CACNA1D: variants seen among roughly 807,000 people sequenced by gnomAD.
CACNA1D encodes the protein voltage-dependent L-type calcium channel subunit alpha-1D.
A neutral mutation model predicts 257.1 loss-of-function variants in CACNA1D; 55 were observed. That is an observed-to-expected ratio of 0.21 (90% CI 0.17 to 0.27). The LOEUF is 0.27. CACNA1D is among the 10% of genes least tolerant of loss of function. The pLI is 1.00. For synonymous variants in CACNA1D, 980 were observed against 1,014.9 expected, an observed-to-expected ratio of 0.97 and a Z score of 0.65; for missense variants, 1,876 against 2,784.0, an observed-to-expected ratio of 0.67 and a Z score of 7.34.
At chr3:53,744,143 C>A (rs1337694032) in intron 22 of CACNA1D, among the ~76,000 whole-genome samples, 2 of 152,128 alleles carry the variant, frequency 1.3e-5, no homozygotes, top group African/African-American at 2.4e-5. Context: ...CTGGAGCCCC[C>A]CTCCCTATTG....
chr3:53,632,917 A>C (rs1307631808), intron 3 of CACNA1D, among the ~76,000 whole-genome samples: 1 of 152,250 alleles, frequency 6.6e-6, no homozygotes, highest in Non-Finnish European at 1.5e-5. Flanking sequence ...TACGATAAAA[A>C]TGAAACAGTT....
At position 53,740,507 on chromosome 3, in the gene CACNA1D, GGGCT is replaced by G. The variant is rs2095105923; in HGVS notation, c.2811+170_2811+173del. The G allele has an allele frequency of 1.2e-5, 8 of 662,668 alleles. No individual in the cohort carries two copies. In the Admixed American group the frequency reaches 1.7e-4, roughly 14 times the overall value. The allele number at this position is 662,668 out of a possible 1,614,324, so 41.0% of individuals were successfully genotyped here. The stretch of plus-strand genomic sequence containing the variant: ...ACAGGTTACCCGGCAGTGTGTTTAA[GGGCT>G]GCTCCTGCGTGTGACACACAGGAAA... On this transcript the variant is annotated intron_variant, in intron 21 of 47. Transcript: ENST00000350061.
Position 53,808,740 on chromosome 3 carries a change from G to A in CACNA1D, c.5841G>A (p.Thr1947=), listed in dbSNP as rs146425374. Residue 1947 remains threonine (T), a synonymous_variant, in exon 46 of 48, where the codon ACG becomes ACA. Coordinates refer to ENST00000350061, the MANE Select transcript of CACNA1D (RefSeq NM_001128840.3). The part of the protein sequence containing the change: ...VPSSPIFPHR[T]ALPLHLMQQQ... ...CGTCTCCCATCTTCCCCCATCGCAC[G>A]GCCCTGCCTCTGCATCTAATGCAGC... The A allele has an allele frequency of 1.2e-5, 20 of 1,608,128 alleles. No individual in the cohort carries two copies. The highest frequency in any genetic ancestry group is 1.2e-4 in the African/African-American group (9 of 74,898).
intron 8 of CACNA1D, among the ~76,000 whole-genome samples, chr3:53,692,445 C>G (rs1416187948): frequency 6.6e-6 from 1 of 152,092 alleles, no homozygotes; most frequent in Non-Finnish European, 1.5e-5. Context: ...ACTGAGTGAA[C>G]TTTAGGATGT....
intron 39 of CACNA1D, among the ~76,000 whole-genome samples, chr3:53,783,717 C>A (rs2095438059): frequency 6.6e-6 from 1 of 152,224 alleles, no homozygotes; most frequent in Non-Finnish European, 1.5e-5. Flanking sequence ...CCGGACAGGG[C>A]TTGGTTCTCC....
At chr3:53,561,311 T>C (rs2092734267) in intron 3 of CACNA1D, among the ~76,000 whole-genome samples, 2 of 152,242 alleles carry the variant, frequency 1.3e-5, no homozygotes, top group Admixed American at 6.5e-5. Context: ...TTAAGACTGC[T>C]GCGCTCTGGT....
chr3:53,717,907 A>G (rs941747314), intron 9 of CACNA1D, among the ~76,000 whole-genome samples: 4 of 152,180 alleles, frequency 2.6e-5, no homozygotes, highest in Non-Finnish European at 4.4e-5. Flanking sequence ...GATGTTCTAT[A>G]TGCACCTTTT....
intron 16 of CACNA1D, 78 bp downstream of exon 16, chr3:53,730,634 A>T: frequency 9.2e-7 from 1 of 1,091,798 alleles, no homozygotes; most frequent in East Asian, 2.5e-5. Flanking sequence ...TGCCAGGCTT[A>T]CCCCCGCATC....
At chr3:53,608,888 T>C (rs1470072968) in intron 3 of CACNA1D, among the ~76,000 whole-genome samples, 1 of 152,244 alleles carries the variant, frequency 6.6e-6, no homozygotes, top group African/African-American at 2.4e-5. Flanking sequence ...TTTGCTGTTA[T>C]TTTGTAAGAA....
At chr3:53,554,940 T>G (rs1424753117) in intron 3 of CACNA1D, among the ~76,000 whole-genome samples, 1 of 152,212 alleles carries the variant, frequency 6.6e-6, no homozygotes, top group Non-Finnish European at 1.5e-5. Flanking sequence ...CTCTCATACA[T>G]TGACTTAATC....
intron 3 of CACNA1D, among the ~76,000 whole-genome samples, chr3:53,605,658 A>T (rs1045884322): frequency 2.6e-5 from 4 of 152,240 alleles, no homozygotes; most frequent in Admixed American, 6.5e-5. Context: ...GGCGATCCAA[A>T]ATTTAAAACA....
intron 25 of CACNA1D, 29 bp from the exon 26 acceptor site, chr3:53,747,273 A>G (rs376564387): frequency 1.2e-6 from 2 of 1,610,338 alleles, no homozygotes; most frequent in African/African-American, 1.3e-5. Context: ...GTGTGAAGCC[A>G]GACGACCCAC....
chr3:53,783,597 G>T (rs1553681262), intron 39 of CACNA1D, among the ~76,000 whole-genome samples: 1 of 152,190 alleles, frequency 6.6e-6, no homozygotes, highest in Non-Finnish European at 1.5e-5. Flanking sequence ...TGAGTGATGT[G>T]CCCAGTGCAG....
chr3:53,535,432 A>G (rs1482847114), intron 3 of CACNA1D, among the ~76,000 whole-genome samples: 1 of 152,210 alleles, frequency 6.6e-6, no homozygotes, highest in African/African-American at 2.4e-5. Flanking sequence ...TTCCGTTTAA[A>G]GGTAAATACA....
intron 8 of CACNA1D, among the ~76,000 whole-genome samples, chr3:53,686,430 A>G (rs2094473994): frequency 6.6e-6 from 1 of 152,132 alleles, no homozygotes; most frequent in African/African-American, 2.4e-5. Flanking sequence ...TAATTTGGAC[A>G]CAAAAATTCT....
At chr3:53,655,534 G>C (rs572568913) in intron 4 of CACNA1D, among the ~76,000 whole-genome samples, 1 of 152,232 alleles carries the variant, frequency 6.6e-6, no homozygotes, top group Admixed American at 6.5e-5. Flanking sequence ...ATGGTATCTC[G>C]TGGTTTTGAT....
At chr3:53,604,644 T>G (rs1388569879) in intron 3 of CACNA1D, among the ~76,000 whole-genome samples, 1 of 152,144 alleles carries the variant, frequency 6.6e-6, no homozygotes, top group Non-Finnish European at 1.5e-5. Flanking sequence ...TTTACAGACC[T>G]GCTGTGGAGT....
intron 42 of CACNA1D, 47 bp downstream of exon 42, chr3:53,801,472 T>G: frequency 6.2e-7 from 1 of 1,608,600 alleles, no homozygotes; most frequent in South Asian, 1.1e-5. Context: ...TGTCTGCCCG[T>G]GTTGCGTCTA....
intron 9 of CACNA1D, among the ~76,000 whole-genome samples, chr3:53,717,924 A>G (rs1186972127): frequency 6.6e-6 from 1 of 152,206 alleles, no homozygotes; most frequent in Non-Finnish European, 1.5e-5. Flanking sequence ...TTTTGGGGCA[A>G]GCAAAGATGT....
Sources: allele counts gnomAD v4.1 joint callset (sites outside exome capture counted in the v4.1 genomes callset), GRCh38; gene constraint gnomAD v4.1.1; transcripts MANE v1.5; gene names NCBI Gene and HGNC (gene_info 2026-07-23, HGNC 2026-07-21).